The following ADGRL3 variants were observed in gnomAD, a reference collection of about 807,000 sequenced individuals.
ADGRL3 encodes the protein adhesion G protein-coupled receptor L3.
A neutral mutation model predicts 153.5 loss-of-function variants in ADGRL3; 62 were observed. The observed-to-expected ratio is 0.40, with a 90% confidence interval of 0.33 to 0.50. The LOEUF (loss-of-function observed/expected upper bound fraction) is 0.50, where lower values mean the gene tolerates loss of function less well. Ranked by LOEUF, ADGRL3 falls within the 20% of genes least tolerant of loss-of-function variation. The probability of loss-of-function intolerance (pLI) is 0.47; values close to 1 mark genes in which losing one functional copy is unlikely to be tolerated. For missense variants in ADGRL3, 1,641 were observed against 1,859.4 expected, an observed-to-expected ratio of 0.88 and a Z score of 2.16; for synonymous variants, 710 against 672.5, an observed-to-expected ratio of 1.06 and a Z score of -0.86.
intron 9 of ADGRL3, among the ~76,000 whole-genome samples, chr4:61,844,575 A>AAAAAATATAT (rs1554045137): frequency 5.0e-4 from 9 of 18,102 alleles, no homozygotes; most frequent in African/African-American, 1.0e-3. Context: ...AAAAAAAAAA[A>AAAAAATATAT]ATATATATAT....
chr4:61,801,003 G>T (rs943412207), intron 8 of ADGRL3, among the ~76,000 whole-genome samples: 3 of 152,128 alleles, frequency 2.0e-5, no homozygotes, highest in Admixed American at 1.3e-4. Context: ...AATTTGATCA[G>T]GTTGAAAAGA....
chr4:61,597,078 T>C (rs1050971331), intron 5 of ADGRL3, among the ~76,000 whole-genome samples: 3 of 152,044 alleles, frequency 2.0e-5, no homozygotes, highest in Non-Finnish European at 4.4e-5. Flanking sequence ...AAATATATTA[T>C]GTGTTTTTGT....
At chr4:61,345,354 A>G (rs1281723148) in intron 1 of ADGRL3, among the ~76,000 whole-genome samples, 2 of 152,118 alleles carry the variant, frequency 1.3e-5, no homozygotes, top group Non-Finnish European at 1.5e-5. Flanking sequence ...AATGACTCTG[A>G]ATAAGTAATT....
intron 12 of ADGRL3, among the ~76,000 whole-genome samples, 167 bp downstream of exon 12, chr4:61,909,912 T>A (rs2098714571): frequency 6.6e-6 from 1 of 151,988 alleles, no homozygotes; most frequent in Non-Finnish European, 1.5e-5. Context: ...CCTTTGTTAT[T>A]ATAATAATAG....
chr4:61,961,552 CTT>C (rs1486452802), intron 17 of ADGRL3, among the ~76,000 whole-genome samples: 1 of 152,070 alleles, frequency 6.6e-6, no homozygotes, highest in East Asian at 1.9e-4. Context: ...CCTAAAGCCT[CTT>C]TTATTTCATT....
chr4:61,472,197 T>C (rs1346972072), intron 2 of ADGRL3, among the ~76,000 whole-genome samples: 2 of 152,128 alleles, frequency 1.3e-5, no homozygotes, highest in African/African-American at 4.8e-5. Context: ...TTGGAGTTGA[T>C]AAGTGTTTAA....
intron 25 of ADGRL3, among the ~76,000 whole-genome samples, chr4:62,048,302 G>A (rs1381135917): frequency 6.6e-6 from 1 of 151,642 alleles, no homozygotes; most frequent in South Asian, 2.1e-4. Context: ...TTGCTCTGTT[G>A]CCCAGGCTGG....
intron 15 of ADGRL3, among the ~76,000 whole-genome samples, chr4:61,945,575 A>G (rs1261487717): frequency 8.3e-5 from 11 of 132,580 alleles, no homozygotes; most frequent in South Asian, 2.8e-4. Context: ...CTGCTGTGCT[A>G]GCAATCAGCG....
chr4:61,637,793 A>G (rs2093490609), intron 5 of ADGRL3, among the ~76,000 whole-genome samples: 1 of 152,152 alleles, frequency 6.6e-6, no homozygotes, highest in African/African-American at 2.4e-5. Flanking sequence ...AGGAAAGATA[A>G]AATGGAATAC....
At chr4:61,219,557 GA>G (rs1744418508) in intron 1 of ADGRL3, among the ~76,000 whole-genome samples, 1 of 152,180 alleles carries the variant, frequency 6.6e-6, no homozygotes, top group Admixed American at 6.5e-5. Flanking sequence ...GATGATACCT[GA>G]AAAGAGAATA....
intron 8 of ADGRL3, among the ~76,000 whole-genome samples, chr4:61,800,079 C>T (rs2097473616): frequency 6.6e-6 from 1 of 152,098 alleles, no homozygotes; most frequent in African/African-American, 2.4e-5. Context: ...CTCTTGTGTA[C>T]TGGGACATGT....
At chr4:62,001,136 G>A (rs1447169112) in intron 21 of ADGRL3, among the ~76,000 whole-genome samples, 1 of 152,090 alleles carries the variant, frequency 6.6e-6, no homozygotes, top group Non-Finnish European at 1.5e-5. Context: ...TGTTGGAAAA[G>A]AACCAGTGAT....
intron 8 of ADGRL3, among the ~76,000 whole-genome samples, chr4:61,811,884 C>A (rs115122617): frequency 2.1e-3 from 320 of 152,120 alleles, no homozygotes; most frequent in African/African-American, 7.4e-3. Flanking sequence ...GTGATGAAAG[C>A]AATGTTCCAG....
At chr4:61,440,726 T>C (rs546418715) in intron 2 of ADGRL3, among the ~76,000 whole-genome samples, 2 of 152,344 alleles carry the variant, frequency 1.3e-5, no homozygotes, top group Admixed American at 1.3e-4. Context: ...ATTTATCCTG[T>C]CATGAATTGT....
chr4:61,408,742 A>T (rs1286734861), intron 2 of ADGRL3, among the ~76,000 whole-genome samples: 1 of 152,142 alleles, frequency 6.6e-6, no homozygotes, highest in East Asian at 1.9e-4. Flanking sequence ...TTAGACTAAG[A>T]TTCAAATATA....
At chr4:61,829,860 G>T (rs1433830152) in intron 9 of ADGRL3, among the ~76,000 whole-genome samples, 1 of 152,116 alleles carries the variant, frequency 6.6e-6, no homozygotes, top group Non-Finnish European at 1.5e-5. Context: ...CTGGTACTTT[G>T]TAGGCTTTAA....
chr4:61,214,031 G>A (rs886120476), intron 1 of ADGRL3, among the ~76,000 whole-genome samples: 1 of 152,094 alleles, frequency 6.6e-6, no homozygotes, highest in African/African-American at 2.4e-5. Context: ...GTTGTGTATT[G>A]TTCATAGCTA....
chr4:61,541,121 T>C (rs1268762617), intron 4 of ADGRL3, among the ~76,000 whole-genome samples: 1 of 151,968 alleles, frequency 6.6e-6, no homozygotes, highest in Non-Finnish European at 1.5e-5. Flanking sequence ...CCTGGAGAGT[T>C]ATAGGAAGTG....
At chr4:61,704,478 C>G (rs1264358513) in intron 6 of ADGRL3, among the ~76,000 whole-genome samples, 2 of 152,108 alleles carry the variant, frequency 1.3e-5, no homozygotes, top group Non-Finnish European at 2.9e-5. Flanking sequence ...TAATGATCAT[C>G]CAAGCCTTCA....
Sources: gnomAD v4.1 joint callset for allele counts (sites outside exome capture counted in the v4.1 genomes callset) on GRCh38, gnomAD v4.1.1 for gene constraint, MANE v1.5 for transcripts, NCBI Gene and HGNC (gene_info 2026-07-23, HGNC 2026-07-21) for gene names.